The following WASHC4 variants were observed in gnomAD, a reference collection of about 807,000 sequenced individuals.
The protein encoded by WASHC4 is WASH complex subunit 4, also known as WASH complex subunit 7.
WASHC4 carries 86 observed loss-of-function variants against 166.6 expected under a neutral mutation model. That is an observed-to-expected ratio of 0.52 (90% CI 0.43 to 0.62). The LOEUF is 0.62. Ranked by LOEUF, WASHC4 falls within the 20% of genes least tolerant of loss-of-function variation. The pLI is 0.00. For missense variants in WASHC4, 1,262 were observed against 1,382.4 expected, an observed-to-expected ratio of 0.91 and a Z score of 1.38; for synonymous variants, 446 against 451.6, an observed-to-expected ratio of 0.99 and a Z score of 0.16.
At chr12:105,118,254 G>A (rs1480057825) in intron 6 of WASHC4, among the ~76,000 whole-genome samples, 192 bp from the exon 7 acceptor site, 2 of 152,210 alleles carry the variant, frequency 1.3e-5, no homozygotes, top group African/African-American at 2.4e-5. Context: ...AGATAGGAAC[G>A]ACCCTGGAGT....
Position 105,168,317 on chromosome 12 carries a change from C to G in WASHC4, c.*1386C>G, listed in dbSNP as rs1246792898. ...AAATGTTTTTTGTTTATTATGTAAA[C>G]ATGGCTTACAGAATTATGAACAGTG... On this transcript the variant is annotated 3_prime_UTR_variant, in exon 33 of 33. Coordinates refer to ENST00000332180, the MANE Select transcript of WASHC4 (RefSeq NM_015275.3). 6.6e-6 allele frequency: 1 copy of G among 152,434 alleles called. No homozygotes were observed. Among genetic ancestry groups the G allele is most frequent in the Non-Finnish European group, 1.5e-5 (1 of 67,930 alleles). The allele number at this position is 152,434 out of a possible 1,614,324, so 9.4% of individuals were successfully genotyped here.
chr12:105,114,049 G>T (rs1353082749), intron 2 of WASHC4, among the ~76,000 whole-genome samples, 167 bp from the exon 3 acceptor site: 1 of 151,916 alleles, frequency 6.6e-6, no homozygotes, highest in Non-Finnish European at 1.5e-5. Flanking sequence ...CTTTCCTTAC[G>T]TGTTGTCTAA....
At chr12:105,110,762 C>T (rs3910856) in intron 1 of WASHC4, among the ~76,000 whole-genome samples, 9,513 of 152,048 alleles carry the variant, frequency 0.063, 372 homozygotes, top group Non-Finnish European at 0.082. Flanking sequence ...TTTGTTTTTG[C>T]AAAAGAGTTG....
At chr12:105,129,047 G>T (rs1351319358) in intron 13 of WASHC4, among the ~76,000 whole-genome samples, 1 of 151,424 alleles carries the variant, frequency 6.6e-6, no homozygotes, top group African/African-American at 2.4e-5. Context: ...CTGGGTTCAT[G>T]TGATTTTCCT....
At chr12:105,158,801 G>A (rs1045424157) in intron 28 of WASHC4, among the ~76,000 whole-genome samples, 9 of 152,180 alleles carry the variant, frequency 5.9e-5, no homozygotes, top group Admixed American at 5.2e-4. Flanking sequence ...TGGGCTAAGT[G>A]ATAAAAGGTC....
intron 1 of WASHC4, among the ~76,000 whole-genome samples, chr12:105,108,285 G>A (rs1360602092): frequency 6.6e-6 from 1 of 152,206 alleles, no homozygotes; most frequent in East Asian, 1.9e-4. Flanking sequence ...TTCCTGTTTC[G>A]GTTTCCTGTT....
At chr12:105,142,825 T>A (rs1242404204) in intron 19 of WASHC4, among the ~76,000 whole-genome samples, 1 of 152,078 alleles carries the variant, frequency 6.6e-6, no homozygotes, top group Non-Finnish European at 1.5e-5. Context: ...CATTTACTCA[T>A]CAGCAAATTA....
At chr12:105,137,857 G>A in intron 14 of WASHC4, 29 bp from the exon 15 acceptor site, 1 of 1,576,096 alleles carries the variant, frequency 6.3e-7, no homozygotes, top group South Asian at 1.1e-5. Flanking sequence ...ATCTTTCCTT[G>A]TGATTATAAT....
At chr12:105,127,860 C>T (rs1032334517) in intron 13 of WASHC4, among the ~76,000 whole-genome samples, 2 of 151,952 alleles carry the variant, frequency 1.3e-5, no homozygotes, top group East Asian at 3.9e-4. Flanking sequence ...TGTATACGTC[C>T]TTATTTTTTA....
At chr12:105,130,520 A>AG (rs1881701763) in intron 13 of WASHC4, among the ~76,000 whole-genome samples, 1 of 152,346 alleles carries the variant, frequency 6.6e-6, no homozygotes, top group East Asian at 1.9e-4. Flanking sequence ...GTCTCTTAGC[A>AG]GTTATGTCAA....
At chr12:105,119,754 T>C (rs1025163995) in intron 7 of WASHC4, among the ~76,000 whole-genome samples, 1 of 152,224 alleles carries the variant, frequency 6.6e-6, no homozygotes, top group African/African-American at 2.4e-5. Context: ...CATTCTATCT[T>C]GTGGAATATC....
chr12:105,107,737 T>G lies in WASHC4; in HGVS notation c.-64T>G. 1 of 1,219,728 alleles carries G rather than the reference T, an allele frequency of 8.2e-7. No individual in the cohort carries two copies. The highest frequency in any genetic ancestry group is 1.2e-6 in the Non-Finnish European group (1 of 852,070). 75.6% of individuals were successfully genotyped at this position (1,219,728 alleles called of 1,614,324 possible). A position where few individuals can be genotyped will look rare whatever the true frequency, so the allele number is the denominator to read the frequency against. Reference sequence around the variant, plus strand: ...GGAAGTCACGTGCTGTGACAGTAGCTGGGGTGAGGCCGTCGTCGCCGCACG... The same window carrying G: ...GGAAGTCACGTGCTGTGACAGTAGCGGGGGTGAGGCCGTCGTCGCCGCACG... On this transcript the variant is annotated 5_prime_UTR_variant, in exon 1 of 33. Transcript: ENST00000332180.
chr12:105,134,317 A>G (rs1185264326), intron 14 of WASHC4, among the ~76,000 whole-genome samples: 1 of 152,156 alleles, frequency 6.6e-6, no homozygotes, highest in East Asian at 1.9e-4. Flanking sequence ...CAACTTTGGT[A>G]AACATTTCAC....
intron 7 of WASHC4, among the ~76,000 whole-genome samples, chr12:105,118,817 CTCTT>C (rs1032998709): frequency 3.9e-5 from 6 of 152,160 alleles, no homozygotes; most frequent in Admixed American, 6.5e-5. Flanking sequence ...TGTGTTCTCT[CTCTT>C]TATTCCTTTC....
chr12:105,150,415 ATT>A (rs1883650210), intron 25 of WASHC4, among the ~76,000 whole-genome samples: 3 of 152,254 alleles, frequency 2.0e-5, no homozygotes, highest in Admixed American at 2.0e-4. Context: ...AAATGTGAAC[ATT>A]TAAAATTGTG....
At chr12:105,120,962 A>G (rs1342700832) in intron 8 of WASHC4, 139 bp from the exon 9 acceptor site, 9 of 689,550 alleles carry the variant, frequency 1.3e-5, no homozygotes, top group East Asian at 2.7e-5. Context: ...TGAGGATCCA[A>G]CCTGTAGCTG....
chr12:105,130,146 A>G (rs979600817), intron 13 of WASHC4, among the ~76,000 whole-genome samples: 52 of 152,350 alleles, frequency 3.4e-4, no homozygotes, highest in African/African-American at 1.1e-3. Context: ...TCTACAGCCC[A>G]GGCTGTTAAC....
intron 13 of WASHC4, among the ~76,000 whole-genome samples, chr12:105,132,259 C>T (rs1187453437): frequency 2.0e-5 from 3 of 152,222 alleles, no homozygotes; most frequent in Non-Finnish European, 1.5e-5. Context: ...ATCTCTTCCG[C>T]CTCCCGGGTT....
intron 15 of WASHC4, among the ~76,000 whole-genome samples, chr12:105,139,425 G>GTGTGTGTGTGTATA: frequency 6.8e-4 from 70 of 103,220 alleles, no homozygotes; most frequent in African/African-American, 2.0e-3. Context: ...ATGTGTGTGT[G>GTGTGTGTGTGTATA]TATATATATA....
Sources: gnomAD v4.1 joint callset for allele counts (sites outside exome capture counted in the v4.1 genomes callset) on GRCh38, gnomAD v4.1.1 for gene constraint, MANE v1.5 for transcripts, NCBI Gene and HGNC (gene_info 2026-07-23, HGNC 2026-07-21) for gene names.